The following TAFA1 variants were observed in gnomAD, a reference collection of about 807,000 sequenced individuals.
TAFA1 encodes TAFA chemokine like family member 1.
Under a neutral mutation model 18.5 loss-of-function variants are expected in TAFA1, and 4 were observed. The ratio of observed to expected loss-of-function variants is 0.22; its 90% CI spans 0.11 to 0.49. The LOEUF is 0.49. Among genes scored for constraint, TAFA1 ranks in the 20% least tolerant of loss-of-function variants. The pLI is 0.98. For synonymous variants in TAFA1, 56 were observed against 55.2 expected (o/e 1.01, Z -0.06); for missense variants, 147 against 169.0 (o/e 0.87, Z 0.72).
chr3:68,252,719 C>T (rs1222818010), intron 2 of TAFA1, among the ~76,000 whole-genome samples: 1 of 152,116 alleles, frequency 6.6e-6, no homozygotes, highest in Non-Finnish European at 1.5e-5. Context: ...ATGTTATTGC[C>T]CAGCTACTTA....
intron 2 of TAFA1, among the ~76,000 whole-genome samples, chr3:68,051,143 A>G (rs911920623): frequency 6.6e-6 from 1 of 152,102 alleles, no homozygotes; most frequent in African/African-American, 2.4e-5. Context: ...CCTGGCTCGT[A>G]GGGTTGTTGG....
chr3:68,381,388 C>T (rs961688859), intron 2 of TAFA1, among the ~76,000 whole-genome samples: 3 of 151,790 alleles, frequency 2.0e-5, no homozygotes, highest in Non-Finnish European at 2.9e-5. Context: ...GATATTGATT[C>T]TTCCTACCCA....
intron 2 of TAFA1, among the ~76,000 whole-genome samples, chr3:68,069,616 A>C (rs1435942837): frequency 1.3e-5 from 2 of 152,132 alleles, no homozygotes; most frequent in African/African-American, 4.8e-5. Context: ...TTCGGCATTA[A>C]CTCAAAAGTT....
chr3:68,407,234 G>A (rs753068456), intron 2 of TAFA1, among the ~76,000 whole-genome samples: 12 of 152,080 alleles, frequency 7.9e-5, no homozygotes, highest in Non-Finnish European at 1.5e-4. Context: ...AGGAATATCA[G>A]AGTAAATTTT....
chr3:68,176,011 GC>G (rs1272730313), intron 2 of TAFA1, among the ~76,000 whole-genome samples: 6 of 152,196 alleles, frequency 3.9e-5, no homozygotes, highest in East Asian at 1.9e-4. Flanking sequence ...CCCTGCACAA[GC>G]TTTTTCTTTG....
chr3:68,055,045 G>A (rs1176940420), intron 2 of TAFA1, among the ~76,000 whole-genome samples: 1 of 152,032 alleles, frequency 6.6e-6, no homozygotes, highest in Non-Finnish European at 1.5e-5. Context: ...AGTTGTTTTG[G>A]TGGAGGCATC....
intron 2 of TAFA1, among the ~76,000 whole-genome samples, chr3:68,283,016 C>A (rs1016266998): frequency 6.6e-6 from 1 of 152,106 alleles, no homozygotes; most frequent in African/African-American, 2.4e-5. Flanking sequence ...CCAAAGGAAT[C>A]CTATTGCATA....
chr3:68,407,387 A>C (rs1343545220), intron 2 of TAFA1, among the ~76,000 whole-genome samples: 2 of 152,158 alleles, frequency 1.3e-5, no homozygotes, highest in Non-Finnish European at 2.9e-5. Context: ...GAATCACAGC[A>C]TGAATGCCCT....
intron 2 of TAFA1, among the ~76,000 whole-genome samples, chr3:68,031,062 A>G (rs774320161): frequency 2.1e-4 from 32 of 152,160 alleles, no homozygotes; most frequent in Non-Finnish European, 3.8e-4. Flanking sequence ...TTTGGCTATT[A>G]TACATCAGTT....
intron 2 of TAFA1, among the ~76,000 whole-genome samples, chr3:68,186,236 A>T (rs2066270568): frequency 6.6e-6 from 1 of 152,140 alleles, no homozygotes; most frequent in Non-Finnish European, 1.5e-5. Flanking sequence ...AATCATGAGG[A>T]TTTTGAGTTT....
At chr3:68,000,364 G>A (rs1196607441), upstream of TAFA1, among the ~76,000 whole-genome samples, 1 of 152,138 alleles carries the variant, frequency 6.6e-6, no homozygotes, top group Non-Finnish European at 1.5e-5. Flanking sequence ...GATTCTAGAG[G>A]TGCTGTAACA....
At chr3:68,016,361 C>G (rs1704570095) in intron 2 of TAFA1, among the ~76,000 whole-genome samples, 1 of 152,076 alleles carries the variant, frequency 6.6e-6, no homozygotes, top group African/African-American at 2.4e-5. Context: ...TTTAGTTAGG[C>G]TTTTTAAACT....
intron 2 of TAFA1, among the ~76,000 whole-genome samples, chr3:68,227,563 A>G (rs553962754): frequency 5.3e-5 from 8 of 152,362 alleles, no homozygotes; most frequent in African/African-American, 1.7e-4. Context: ...GCAAGTCTCC[A>G]TACAGGCATA....
intron 3 of TAFA1, among the ~76,000 whole-genome samples, chr3:68,429,672 T>C (rs2071129966): frequency 6.6e-6 from 1 of 151,856 alleles, no homozygotes; most frequent in South Asian, 2.1e-4. Flanking sequence ...TTCTCCTCAT[T>C]CCCGAATTTC....
At chr3:68,292,483 T>C (rs1469079599) in intron 2 of TAFA1, among the ~76,000 whole-genome samples, 1 of 151,750 alleles carries the variant, frequency 6.6e-6, no homozygotes, top group Admixed American at 6.6e-5. Context: ...TTTACATATG[T>C]TTTAGGTTTC....
At chr3:68,186,028 G>C (rs2066266212) in intron 2 of TAFA1, among the ~76,000 whole-genome samples, 1 of 152,104 alleles carries the variant, frequency 6.6e-6, no homozygotes, top group Non-Finnish European at 1.5e-5. Flanking sequence ...AAAGGGAGGT[G>C]AGCAGTGTTA....
chr3:68,063,885 C>A (rs1371796742), intron 2 of TAFA1, among the ~76,000 whole-genome samples: 1 of 152,114 alleles, frequency 6.6e-6, no homozygotes, highest in Admixed American at 6.6e-5. Context: ...TGTTCGGAAC[C>A]AGTGTAGCAG....
At chr3:68,368,779 C>A (rs1378336677) in intron 2 of TAFA1, among the ~76,000 whole-genome samples, 1 of 152,072 alleles carries the variant, frequency 6.6e-6, no homozygotes, top group Non-Finnish European at 1.5e-5. Flanking sequence ...TTATCTAAAC[C>A]CAAGGGAAAA....
intron 2 of TAFA1, among the ~76,000 whole-genome samples, chr3:68,056,695 T>G (rs1029874913): frequency 6.6e-6 from 1 of 152,104 alleles, no homozygotes; most frequent in Admixed American, 6.6e-5. Context: ...TGTGGGAGAT[T>G]TACATGCCAA....
Sources: allele counts gnomAD v4.1 joint callset (sites outside exome capture counted in the v4.1 genomes callset), GRCh38; gene constraint gnomAD v4.1.1; transcripts MANE v1.5; gene names NCBI Gene and HGNC (gene_info 2026-07-23, HGNC 2026-07-21).